The following BEND2 variants were observed in gnomAD, a reference collection of about 807,000 sequenced individuals.
The protein encoded by BEND2 is BEN domain-containing protein 2.
BEND2 carries 19 observed loss-of-function variants against 43.8 expected under a neutral mutation model. That is an observed-to-expected ratio of 0.43 (90% confidence interval 0.30 to 0.64). The LOEUF (loss-of-function observed/expected upper bound fraction) is 0.64. BEND2 is among the 30% of genes least tolerant of loss of function. The pLI is 0.11. For missense variants in BEND2, 544 were observed against 574.0 expected, an observed-to-expected ratio of 0.95 and a Z score of 0.53; for synonymous variants, 226 against 210.1, an observed-to-expected ratio of 1.08 and a Z score of -0.66.
At chrX:18,170,828 G>A (rs1490185120) in intron 13 of BEND2, 173 bp downstream of exon 13, 3 of 921,655 alleles carry the variant, frequency 3.3e-6, no homozygotes, top group African/African-American at 2.0e-5. Context: ...CCCAAATGCA[G>A]AGAGAAATAC....
At chrX:18,200,458 G>A (rs574204668) in intron 6 of BEND2, among the ~76,000 whole-genome samples, 2 of 101,776 alleles carry the variant, frequency 2.0e-5, no homozygotes, top group African/African-American at 7.3e-5. Context: ...AGCCAAGATC[G>A]CGCCACTGCA....
At chrX:18,190,219 T>C (rs1924717955) in intron 8 of BEND2, among the ~76,000 whole-genome samples, 2 of 111,593 alleles carry the variant, frequency 1.8e-5, no homozygotes, top group African/African-American at 6.5e-5. Flanking sequence ...TTAATTGCAC[T>C]CTTCGGCATT....
intron 2 of BEND2, among the ~76,000 whole-genome samples, chrX:18,214,134 C>A (rs1925598316): frequency 9.0e-6 from 1 of 111,044 alleles, no homozygotes; most frequent in Non-Finnish European, 1.9e-5. Flanking sequence ...AAAAGCCAGA[C>A]ACAAGCCAGG....
At chrX:18,177,319 C>T (rs1480412476) in intron 10 of BEND2, among the ~76,000 whole-genome samples, 3 of 95,898 alleles carry the variant, frequency 3.1e-5, no homozygotes, top group Non-Finnish European at 4.1e-5. Flanking sequence ...TAGTACTAAC[C>T]ATAAACAACT....
chrX:18,198,930 T>C (rs912578216), intron 6 of BEND2, among the ~76,000 whole-genome samples: 48 of 106,073 alleles, frequency 4.5e-4, no homozygotes, highest in Admixed American at 1.2e-3. Flanking sequence ...GAAATCATCA[T>C]TCTCAGTAAA....
chrX:18,200,630 A>T (rs1925113380), intron 6 of BEND2, among the ~76,000 whole-genome samples: 1 of 111,344 alleles, frequency 9.0e-6, no homozygotes, highest in African/African-American at 3.3e-5. Flanking sequence ...ATACTGTAAC[A>T]TTCCCTTAAT....
In BEND2 at chrX:18,181,432, T is replaced by C. The variant is rs1292766274; in HGVS notation, c.1289-782A>G. Reference sequence around the variant, plus strand: ...AACAATCCAAGTGTCCTTCAAGAGGTGAATGGTTAAAGGAACTGTGGTAAA... The same window carrying C: ...AACAATCCAAGTGTCCTTCAAGAGGCGAATGGTTAAAGGAACTGTGGTAAA... On this transcript the variant is annotated intron_variant, in intron 8 of 13. Coordinates refer to ENST00000380033, the MANE Select transcript of BEND2 (RefSeq NM_153346.5). Among the ~76,000 whole-genome samples, 3 of 110,651 alleles carry C rather than the reference T, an allele frequency of 2.7e-5. No individual in the cohort carries two copies. The Admixed American group carries it at 2.9e-4, about 11-fold the overall frequency.
intron 9 of BEND2, among the ~76,000 whole-genome samples, chrX:18,179,337 A>AT (rs1924295649): frequency 9.3e-6 from 1 of 107,929 alleles, no homozygotes; most frequent in African/African-American, 3.4e-5. Context: ...AATTTTTTGT[A>AT]TTTTTTGTAG....
intron 9 of BEND2, 50 bp downstream of exon 9, chrX:18,180,460 G>T (rs1569118091): frequency 8.4e-7 from 1 of 1,193,049 alleles, no homozygotes; most frequent in East Asian, 3.0e-5. Context: ...GGAAGTGGAA[G>T]AATGTAGCTC....
intron 1 of BEND2, among the ~76,000 whole-genome samples, chrX:18,219,925 C>CAAA (rs1415087608): frequency 1.2e-4 from 13 of 110,931 alleles, no homozygotes; most frequent in Admixed American, 9.6e-5. Flanking sequence ...CAAAACAAAA[C>CAAA]AAAACCAAGC....
Position 18,203,565 on chromosome X carries a change from T to C in BEND2, c.843A>G (p.Leu281=), listed in dbSNP as rs1218075331. The C allele has an allele frequency of 1.7e-6, 2 of 1,209,471 alleles. No homozygotes were observed. Among genetic ancestry groups the C allele is most frequent in the East Asian group, 5.9e-5 (2 of 33,767 alleles). The change falls in exon 5 of 14, where the codon CTA becomes CTG. Residue 281 remains leucine, a synonymous_variant. Coordinates refer to ENST00000380033, the MANE Select transcript of BEND2 (RefSeq NM_153346.5). The stretch of plus-strand genomic sequence containing the variant: ...CTGGGCCCACATTTTCATTTTCTGG[T>C]AGAGCAGAGTAATTCACCACACCAG... ...NNPGVVNYSA[L]PENENVGPGR... is the part of the protein sequence containing the mutation.
At position 18,216,684 on chromosome X, in the gene BEND2, A is replaced by G; in HGVS notation, c.75T>C (p.Ser25=). ...VDDSDDNNDC[S]IEMVEVSETA... ...TTTCAGAAACTTCCACCATCTCAAT[A>G]CTGCAATCATTGTTATCATCACTGT... The change falls in exon 2 of 14, where the codon AGT becomes AGC. Residue 25 remains serine (S), a synonymous_variant. Coordinates refer to ENST00000380033, the MANE Select transcript of BEND2 (RefSeq NM_153346.5). The G allele has an allele frequency of 8.3e-7, 1 of 1,210,815 alleles. No homozygotes were observed. The highest frequency in any genetic ancestry group is 1.8e-5 in the South Asian group (1 of 56,934).
chrX:18,202,774 T>C (rs907027330), intron 5 of BEND2, among the ~76,000 whole-genome samples: 1 of 112,318 alleles, frequency 8.9e-6, no homozygotes, highest in African/African-American at 3.2e-5. Flanking sequence ...AACCAGCAGT[T>C]GCACTCTTGG....
chrX:18,164,921 C>G lies in BEND2; in HGVS notation c.*88G>C. 3 of 995,725 alleles carry G rather than the reference C, an allele frequency of 3.0e-6. No individual in the cohort carries two copies. Among genetic ancestry groups the G allele is most frequent in the Middle Eastern group, 4.0e-4 (1 of 2,516 alleles). The allele number at this position is 995,725 out of a possible 1,213,427, so 82.1% of individuals were successfully genotyped here. A position where few individuals can be genotyped will look rare whatever the true frequency, so the allele number is the denominator to read the frequency against. ...GTCAATGCAAACTACTCTGCCAGTA[C>G]AGCAGGCTGATTTTGGAATTAGAAC... On this transcript the variant is annotated 3_prime_UTR_variant, in exon 14 of 14. Transcript: ENST00000380033.
At chrX:18,217,899 G>A (rs1032143918) in intron 1 of BEND2, among the ~76,000 whole-genome samples, 3 of 106,856 alleles carry the variant, frequency 2.8e-5, no homozygotes, top group Non-Finnish European at 5.8e-5. Flanking sequence ...TGGGCAACAT[G>A]GCGAAATCCT....
intron 8 of BEND2, among the ~76,000 whole-genome samples, chrX:18,183,857 G>A (rs1350599799): frequency 9.0e-6 from 1 of 111,616 alleles, no homozygotes; most frequent in African/African-American, 3.3e-5. Context: ...AGAGCACCAG[G>A]TAGATTCCTG....
chrX:18,192,258 T>C (rs1401492333), intron 7 of BEND2, among the ~76,000 whole-genome samples: 2 of 112,067 alleles, frequency 1.8e-5, no homozygotes, highest in Admixed American at 1.9e-4. Flanking sequence ...CAATCATGAA[T>C]TCTATTATCA....
intron 4 of BEND2, among the ~76,000 whole-genome samples, chrX:18,207,609 T>C (rs756330341): frequency 2.6e-3 from 297 of 112,672 alleles, no homozygotes; most frequent in African/African-American, 9.2e-3. Flanking sequence ...CTATAGAAAT[T>C]ATTTTTACTT....
chrX:18,195,471 C>T, intron 6 of BEND2, 29 bp from the exon 7 acceptor site: 2 of 1,152,509 alleles, frequency 1.7e-6, no homozygotes, highest in Non-Finnish European at 2.4e-6. Context: ...AATGCTCAAT[C>T]ATAAATTCTA....
Sources: allele counts gnomAD v4.1 joint callset (sites outside exome capture counted in the v4.1 genomes callset), GRCh38; gene constraint gnomAD v4.1.1; transcripts MANE v1.5; gene names NCBI Gene and HGNC (gene_info 2026-07-23, HGNC 2026-07-21).